GRID2: variants seen among roughly 807,000 people sequenced by gnomAD.
GRID2 encodes the protein glutamate receptor ionotropic, delta-2.
A neutral mutation model predicts 114.8 loss-of-function variants in GRID2; 33 were observed. The observed-to-expected ratio is 0.29, with a 90% CI of 0.22 to 0.38. GRID2 has a LOEUF of 0.38. Ranked by LOEUF, GRID2 falls within the 10% of genes least tolerant of loss-of-function variation. GRID2 has a pLI of 1.00. For synonymous variants in GRID2, 505 were observed against 449.9 expected (o/e 1.12, Z -1.55); for missense variants, 1,184 against 1,257.7 (o/e 0.94, Z 0.89).
chr4:93,229,865 G>T (rs1312139214), intron 7 of GRID2, among the ~76,000 whole-genome samples: 1 of 152,044 alleles, frequency 6.6e-6, no homozygotes, highest in East Asian at 1.9e-4. Context: ...GGTAGAATAA[G>T]TGCCTCCTCA....
At chr4:92,687,210 C>T (rs887304299) in intron 2 of GRID2, among the ~76,000 whole-genome samples, 4 of 150,730 alleles carry the variant, frequency 2.7e-5, no homozygotes, top group African/African-American at 4.9e-5. Flanking sequence ...GAAAGAGGCC[C>T]GTGTACTTGC....
intron 8 of GRID2, among the ~76,000 whole-genome samples, chr4:93,285,275 C>T (rs1753033147): frequency 6.6e-6 from 1 of 152,014 alleles, no homozygotes; most frequent in African/African-American, 2.4e-5. Context: ...TTTCATAGAA[C>T]ATTAGAATTC....
chr4:93,189,221 G>A (rs1429009229), intron 4 of GRID2, among the ~76,000 whole-genome samples: 3 of 152,070 alleles, frequency 2.0e-5, no homozygotes, highest in African/African-American at 7.3e-5. Flanking sequence ...TTTAGAATGG[G>A]TAATTTATAA....
At chr4:92,397,750 A>G (rs1201399663) in intron 1 of GRID2, among the ~76,000 whole-genome samples, 1 of 152,168 alleles carries the variant, frequency 6.6e-6, no homozygotes, top group Non-Finnish European at 1.5e-5. Context: ...CCCAAAATAC[A>G]GTAATGTCTG....
chr4:92,816,403 C>T (rs1426669833), intron 2 of GRID2, among the ~76,000 whole-genome samples: 1 of 149,126 alleles, frequency 6.7e-6, no homozygotes, highest in Non-Finnish European at 1.5e-5. Flanking sequence ...ACCCATTTGT[C>T]TTCAAATTTA....
intron 1 of GRID2, among the ~76,000 whole-genome samples, chr4:92,426,405 A>T (rs1732157634): frequency 6.6e-6 from 1 of 152,148 alleles, no homozygotes; most frequent in Non-Finnish European, 1.5e-5. Flanking sequence ...GTGATAAATA[A>T]TGTAACACAG....
chr4:92,445,094 A>G (rs1733380424), intron 1 of GRID2, among the ~76,000 whole-genome samples: 1 of 152,164 alleles, frequency 6.6e-6, no homozygotes, highest in Non-Finnish European at 1.5e-5. Flanking sequence ...TATTTATATA[A>G]GGCTTATTAT....
chr4:93,030,384 CTT>C (rs1297982756), intron 2 of GRID2, among the ~76,000 whole-genome samples: 2 of 140,856 alleles, frequency 1.4e-5, no homozygotes, highest in Non-Finnish European at 3.1e-5. Flanking sequence ...AGAGCTGCAT[CTT>C]TTTTTTTTTT....
chr4:93,632,362 A>G (rs1720997978), intron 14 of GRID2, among the ~76,000 whole-genome samples: 1 of 152,178 alleles, frequency 6.6e-6, no homozygotes, highest in Non-Finnish European at 1.5e-5. Context: ...CTAACATTGA[A>G]GTCTTTGATC....
chr4:92,364,341 C>G (rs1265297361), intron 1 of GRID2, among the ~76,000 whole-genome samples: 1 of 151,944 alleles, frequency 6.6e-6, no homozygotes, highest in East Asian at 1.9e-4. Context: ...ATGTTCATCA[C>G]CAGAACACGT....
chr4:93,189,043 T>C (rs1579236921), intron 4 of GRID2, among the ~76,000 whole-genome samples: 1 of 152,290 alleles, frequency 6.6e-6, no homozygotes, highest in South Asian at 2.1e-4. Context: ...AACCCCATTT[T>C]ATGGTAAATT....
intron 2 of GRID2, among the ~76,000 whole-genome samples, chr4:92,862,793 T>C (rs1446010650): frequency 6.6e-6 from 1 of 152,096 alleles, no homozygotes; most frequent in African/African-American, 2.4e-5. Flanking sequence ...TAAAATGTAA[T>C]TATTTAGATA....
At chr4:92,503,429 T>TAC (rs370238001) in intron 1 of GRID2, among the ~76,000 whole-genome samples, 9 of 152,178 alleles carry the variant, frequency 5.9e-5, no homozygotes, top group African/African-American at 2.2e-4. Flanking sequence ...CAATTTAGTT[T>TAC]ACACTATGGT....
intron 2 of GRID2, among the ~76,000 whole-genome samples, chr4:92,641,638 A>G (rs906741384): frequency 8.6e-5 from 13 of 151,750 alleles, no homozygotes; most frequent in Admixed American, 6.6e-5. Context: ...TAATAATCAT[A>G]TATGCTTGAA....
chr4:92,947,709 CGTGTATATGTGT>C (rs1266411744), intron 2 of GRID2, among the ~76,000 whole-genome samples: 3 of 150,922 alleles, frequency 2.0e-5, no homozygotes, highest in Admixed American at 6.6e-5. Context: ...TGTGTGTGTG[CGTGTATATGTGT>C]GTGTTTGTAA....
chr4:92,787,859 A>G (rs991061384), intron 2 of GRID2, among the ~76,000 whole-genome samples: 4 of 151,802 alleles, frequency 2.6e-5, no homozygotes, highest in Non-Finnish European at 5.9e-5. Flanking sequence ...GATTCTGACT[A>G]TCTTTTGAAG....
At chr4:92,548,419 T>TTTTTTTTTTTTTTTTTA (rs1726391493) in intron 1 of GRID2, among the ~76,000 whole-genome samples, 3 of 144,564 alleles carry the variant, frequency 2.1e-5, no homozygotes, top group Non-Finnish European at 4.5e-5. Flanking sequence ...TTTTTTTTTT[T>TTTTTTTTTTTTTTTTTA]GAGACAGAGT....
intron 1 of GRID2, among the ~76,000 whole-genome samples, chr4:92,320,766 C>T (rs1726273632): frequency 6.6e-6 from 1 of 152,180 alleles, no homozygotes; most frequent in Admixed American, 6.5e-5. Flanking sequence ...GCATGAGCCA[C>T]CACCCCCAGC....
intron 14 of GRID2, among the ~76,000 whole-genome samples, chr4:93,730,431 A>G (rs971856999): frequency 1.3e-5 from 2 of 152,226 alleles, no homozygotes; most frequent in Admixed American, 6.5e-5. Context: ...GAGACAGCTA[A>G]GCTGCCAGGT....
Sources: gnomAD v4.1 joint callset for allele counts (sites outside exome capture counted in the v4.1 genomes callset) on GRCh38, gnomAD v4.1.1 for gene constraint, MANE v1.5 for transcripts, NCBI Gene and HGNC (gene_info 2026-07-23, HGNC 2026-07-21) for gene names.